The following DLG2 variants were observed in gnomAD, a reference collection of about 807,000 sequenced individuals.
DLG2 encodes the protein disks large homolog 2.
A neutral mutation model predicts 132.5 loss-of-function variants in DLG2; 45 were observed. That is an observed-to-expected ratio of 0.34 (90% CI 0.27 to 0.44). DLG2 has a LOEUF of 0.44. Among genes scored for constraint, DLG2 ranks in the 20% least tolerant of loss-of-function variants. The pLI, the probability that DLG2 is intolerant of heterozygous loss-of-function variation, is 1.00. For missense variants in DLG2, 1,045 were observed against 1,196.9 expected (o/e 0.87, Z 1.87); for synonymous variants, 424 against 419.6 (o/e 1.01, Z -0.13).
intron 19 of DLG2, among the ~76,000 whole-genome samples, chr11:83,580,759 A>C (rs888374285): frequency 1.3e-5 from 2 of 151,628 alleles, no homozygotes; most frequent in Non-Finnish European, 2.9e-5. Context: ...GTGGGAGAGC[A>C]CTTAATACAG....
intron 6 of DLG2, among the ~76,000 whole-genome samples, chr11:84,765,807 G>A (rs920694159): frequency 2.0e-5 from 3 of 151,880 alleles, no homozygotes; most frequent in African/African-American, 4.8e-5. Flanking sequence ...TTTTTTTATA[G>A]CAATCAAAAT....
intron 9 of DLG2, among the ~76,000 whole-genome samples, chr11:84,121,868 G>T (rs1169054444): frequency 6.6e-6 from 1 of 150,750 alleles, no homozygotes; most frequent in Non-Finnish European, 1.5e-5. Flanking sequence ...GCCTTTCCTT[G>T]CTAACTTTTA....
intron 6 of DLG2, among the ~76,000 whole-genome samples, chr11:84,903,366 C>A (rs1032725609): frequency 6.6e-6 from 1 of 152,138 alleles, no homozygotes; most frequent in African/African-American, 2.4e-5. Context: ...CCTACTAATT[C>A]TTTAAGAGTT....
chr11:85,360,277 T>C (rs1391816829), intron 3 of DLG2, among the ~76,000 whole-genome samples: 2 of 152,228 alleles, frequency 1.3e-5, no homozygotes, highest in Non-Finnish European at 2.9e-5. Context: ...TCCATTCTTC[T>C]AATCACTAGG....
intron 3 of DLG2, among the ~76,000 whole-genome samples, chr11:85,458,554 T>C (rs756241839): frequency 3.9e-5 from 6 of 152,250 alleles, no homozygotes; most frequent in Non-Finnish European, 5.9e-5. Flanking sequence ...CTGTGTTGGC[T>C]TGTGTTCTGA....
intron 11 of DLG2, among the ~76,000 whole-genome samples, chr11:84,025,380 C>G (rs1281095882): frequency 3.0e-4 from 45 of 152,030 alleles, no homozygotes; most frequent in Non-Finnish European, 1.5e-5. Flanking sequence ...AAGACCTGCC[C>G]CCATGTTTCA....
At chr11:84,946,105 G>T (rs1237511050) in intron 6 of DLG2, among the ~76,000 whole-genome samples, 2 of 152,120 alleles carry the variant, frequency 1.3e-5, no homozygotes, top group Non-Finnish European at 2.9e-5. Flanking sequence ...TCTCCGTTAA[G>T]GGCAGTATCC....
chr11:85,446,012 C>A (rs1271796467), intron 3 of DLG2, among the ~76,000 whole-genome samples: 1 of 152,154 alleles, frequency 6.6e-6, no homozygotes, highest in East Asian at 1.9e-4. Flanking sequence ...GACTCTAAAA[C>A]CCATTGTTTA....
chr11:85,590,551 A>T (rs77764083), intron 3 of DLG2, among the ~76,000 whole-genome samples: 15 of 152,072 alleles, frequency 9.9e-5, no homozygotes, highest in East Asian at 5.8e-4. Flanking sequence ...ATATTGAAAA[A>T]TTTTTTTAGA....
intron 14 of DLG2, among the ~76,000 whole-genome samples, chr11:83,952,298 G>T (rs1012384623): frequency 1.1e-4 from 16 of 152,084 alleles, no homozygotes; most frequent in Non-Finnish European, 1.5e-5. Flanking sequence ...AGTGAACTGA[G>T]ATCGAGCCAC....
chr11:83,566,604 T>C (rs1453713627), intron 19 of DLG2, among the ~76,000 whole-genome samples: 23 of 152,094 alleles, frequency 1.5e-4, no homozygotes, highest in Admixed American at 1.3e-4. Flanking sequence ...GTATTTAACA[T>C]AGTGTCTAGC....
At position 83,484,133 on chromosome 11, in the gene DLG2, A is replaced by C. The variant is rs1411557341; in HGVS notation, c.2289T>G (p.Pro763=). 3.7e-6 allele frequency: 6 copies of C among 1,612,168 alleles called. No homozygotes were observed. Among genetic ancestry groups the C allele is most frequent in the Non-Finnish European group, 4.2e-6 (5 of 1,178,536 alleles). ...TATCTTTCAGAATCTACTTACGTTC[A>C]GGATCACTGGTTTCCTGCTCACTCT... is the stretch of plus-strand genomic sequence containing the variant. ...KEQSEQETSD[P]ERGQEDLILS... Residue 763 remains proline (P), a synonymous_variant, in exon 22 of 28, where the codon CCT becomes CCG. Transcript: ENST00000376104.
At chr11:84,307,911 G>C (rs1334172794) in intron 7 of DLG2, among the ~76,000 whole-genome samples, 1 of 152,030 alleles carries the variant, frequency 6.6e-6, no homozygotes, top group Non-Finnish European at 1.5e-5. Flanking sequence ...GGAGTTGTTC[G>C]TTCCTCCCGG....
chr11:83,947,202 G>A (rs2084223135), intron 14 of DLG2, among the ~76,000 whole-genome samples: 1 of 151,630 alleles, frequency 6.6e-6, no homozygotes, highest in Non-Finnish European at 1.5e-5. Context: ...TGAATATTTG[G>A]GGAATGCAAA....
At chr11:83,585,246 A>G (rs879645857) in intron 19 of DLG2, among the ~76,000 whole-genome samples, 5 of 152,218 alleles carry the variant, frequency 3.3e-5, no homozygotes, top group Non-Finnish European at 7.3e-5. Context: ...AGTTTTTAAA[A>G]TAGTAGTGGT....
chr11:84,748,431 C>G (rs967402356), intron 6 of DLG2, among the ~76,000 whole-genome samples: 1 of 152,122 alleles, frequency 6.6e-6, no homozygotes, highest in African/African-American at 2.4e-5. Flanking sequence ...TTTTCATTTG[C>G]ACAGCACTGT....
chr11:85,035,557 C>T (rs1463482311), intron 6 of DLG2, among the ~76,000 whole-genome samples: 4 of 152,112 alleles, frequency 2.6e-5, no homozygotes, highest in African/African-American at 7.2e-5. Context: ...ATCATGAAAC[C>T]ACCCCCATGA....
intron 18 of DLG2, among the ~76,000 whole-genome samples, chr11:83,772,599 G>A (rs2094444044): frequency 6.6e-6 from 1 of 151,350 alleles, no homozygotes; most frequent in Non-Finnish European, 1.5e-5. Flanking sequence ...GAGAGAGGAA[G>A]AAAGGAAGGA....
At chr11:85,461,903 T>A (rs550133312) in intron 3 of DLG2, among the ~76,000 whole-genome samples, 2 of 152,166 alleles carry the variant, frequency 1.3e-5, no homozygotes, top group Non-Finnish European at 2.9e-5. Flanking sequence ...AACCTGCTCA[T>A]CTGACAAAGG....
Sources: gnomAD v4.1 joint callset for allele counts (sites outside exome capture counted in the v4.1 genomes callset) on GRCh38, gnomAD v4.1.1 for gene constraint, MANE v1.5 for transcripts, NCBI Gene and HGNC (gene_info 2026-07-23, HGNC 2026-07-21) for gene names.